SYN1: variants seen among roughly 807,000 people sequenced by gnomAD.
The protein encoded by SYN1 is synapsin I.
In SYN1, 8 loss-of-function variants were observed where a neutral mutation model predicts 44.6. The observed-to-expected ratio is 0.18, with a 90% confidence interval of 0.11 to 0.32. The LOEUF (loss-of-function observed/expected upper bound fraction) is 0.32, where lower values mean the gene tolerates loss of function less well. SYN1 is among the 10% of genes least tolerant of loss of function. The pLI is 1.00. For synonymous variants in SYN1, 275 were observed against 280.1 expected (o/e 0.98, Z 0.18); for missense variants, 451 against 639.4 (o/e 0.71, Z 3.18).
In SYN1 at chrX:47,589,369, A is replaced by G. The variant is rs772494132; in HGVS notation, c.775-11868T>C. 2.6e-3 allele frequency among the ~76,000 whole-genome samples: 277 copies of G among 107,865 alleles called. 2 individuals are homozygous for G. Among genetic ancestry groups the G allele is most frequent in the African/African-American group, 8.1e-3 (238 of 29,535 alleles). 93.7% of individuals were successfully genotyped at this position (107,865 alleles called of 115,157 possible). On this transcript the variant is annotated intron_variant, in intron 5 of 12. Coordinates refer to ENST00000295987, the MANE Select transcript of SYN1 (RefSeq NM_006950.3). ...AGCAATTTGGGAGGCCAAGGTGGGC[A>G]GATCACGAGGTCAGGAGATCGAGAC... is the stretch of plus-strand genomic sequence containing the variant.
chrX:47,594,202 C>T (rs759919951), intron 5 of SYN1, among the ~76,000 whole-genome samples: 2 of 107,689 alleles, frequency 1.9e-5, no homozygotes, highest in East Asian at 5.8e-4. Flanking sequence ...CCACTGCACT[C>T]CAGCCTGGGC....
chrX:47,596,371 A>G (rs2057863589), intron 5 of SYN1, among the ~76,000 whole-genome samples: 1 of 112,884 alleles, frequency 8.9e-6, no homozygotes, highest in African/African-American at 3.2e-5. Flanking sequence ...ATTAGGCTTT[A>G]AAAAGCTCTG....
chrX:47,585,775 C>T, intron 5 of SYN1: 1 of 1,163,504 alleles, frequency 8.6e-7, no homozygotes, highest in Non-Finnish European at 1.1e-6. Flanking sequence ...CCTGTGGCTG[C>T]TCCCCAACCC....
chrX:47,619,749 G>T lies in SYN1; in HGVS notation c.-21C>A, dbSNP rs1009898874. ...TTCATGGCTGCGACTTGGGGCAGGG[G>T]GTCCTAGGGGTGGTCTGGCCAGGAG... On this transcript the variant is annotated 5_prime_UTR_variant, in exon 1 of 13. Transcript: ENST00000295987. 3.5e-6 allele frequency: 4 copies of T among 1,157,902 alleles called. No homozygotes were observed. The South Asian group carries it at 5.8e-5, about 17-fold the overall frequency.
chrX:47,574,161 C>G lies in SYN1; in HGVS notation c.1823G>C (p.Gly608Ala). 2 of 1,054,997 alleles carry G rather than the reference C, an allele frequency of 1.9e-6. No homozygotes were observed. The highest frequency in any genetic ancestry group is 2.4e-6 in the Non-Finnish European group (2 of 826,658). 86.9% of individuals were successfully genotyped at this position (1,054,997 alleles called of 1,213,427 possible). The change falls in exon 12 of 13, where the codon GGT becomes GCT. Residue 608 changes from glycine to alanine, a missense_variant. Around this residue, in one of 3 missense-constraint regions of SYN1, gnomAD observed 127 missense variants for 154.8 expected, o/e 0.82. Coordinates refer to ENST00000295987, the MANE Select transcript of SYN1 (RefSeq NM_006950.3). ...GGGTGGCCCAGTGCGGGGCACGGGA[C>G]CCGCCTGGCTGGCCTGGCGTGTGGG... ...AGPTRQASQAGPVPRTGPPTT... is the reference protein window; with the variant it reads ...AGPTRQASQAAPVPRTGPPTT...
At chrX:47,618,628 C>A (rs1282002020) in intron 1 of SYN1, among the ~76,000 whole-genome samples, 1 of 110,982 alleles carries the variant, frequency 9.0e-6, no homozygotes, top group South Asian at 3.8e-4. Context: ...CTTCCTAGAT[C>A]CTTTGGAGAA....
rs769458536 is a variant in SYN1, at chrX:47,606,946, G to A, written c.526C>T (p.Arg176Trp). The A allele has an allele frequency of 2.4e-5, 29 of 1,204,617 alleles. No individual in the cohort carries two copies. The highest frequency in any genetic ancestry group is 1.8e-4 in the Admixed American group (8 of 45,310). ...CCAAGGTACCCTTCTTATACTCACCGCACGACCTTCACCCCATTCCGAAGA... is the reference window on the plus strand; with the variant it reads ...CCAAGGTACCCTTCTTATACTCACCACACGACCTTCACCCCATTCCGAAGA... The part of the protein sequence containing the change: ...EVLRNGVKVV[R>W]SLKPDFVLIR... Residue 176 changes from arginine to tryptophan, a missense_variant and splice_region_variant, in exon 3 of 13, where the codon CGG (arginine) becomes TGG (tryptophan). By Grantham distance (101) the Arg-to-Trp change is moderately radical. Coordinates refer to ENST00000295987, the MANE Select transcript of SYN1 (RefSeq NM_006950.3).
intron 1 of SYN1, among the ~76,000 whole-genome samples, chrX:47,618,485 G>T (rs914281755): frequency 8.9e-6 from 1 of 112,064 alleles, no homozygotes; most frequent in African/African-American, 3.3e-5. Context: ...TGTAGGGAAA[G>T]GTCTTTGAGG....
At chrX:47,594,058 C>A (rs1443888419) in intron 5 of SYN1, among the ~76,000 whole-genome samples, 1 of 111,000 alleles carries the variant, frequency 9.0e-6, no homozygotes, top group Non-Finnish European at 1.9e-5. Flanking sequence ...TGGTGAAACC[C>A]AATCTCTTAT....
At chrX:47,604,200 C>T (rs1034568491) in intron 5 of SYN1, among the ~76,000 whole-genome samples, 17 of 108,817 alleles carry the variant, frequency 1.6e-4, no homozygotes, top group African/African-American at 5.0e-4. Flanking sequence ...TGAGCCACCG[C>T]GCCCGGCCAG....
intron 5 of SYN1, 92 bp downstream of exon 5, chrX:47,604,886 G>T: frequency 2.4e-6 from 2 of 841,187 alleles, no homozygotes; most frequent in Non-Finnish European, 3.4e-6. Context: ...CCACACTCTT[G>T]ATATCGCACT....
intron 9 of SYN1, 37 bp from the exon 10 acceptor site, chrX:47,575,311 GC>G: frequency 8.3e-7 from 1 of 1,201,071 alleles, no homozygotes; most frequent in Admixed American, 2.2e-5. Flanking sequence ...GGAGAGGCAG[GC>G]CTCGCACCTG....
Position 47,574,042 on chromosome X carries a change from C to A in SYN1, c.1942G>T (p.Ala648Ser). ...QKPSQDVPPP[A>S]TAAAGGPPHP... ...GGAGGTCCCCCTGCAGCGGCGGTGG[C>A]GGGTGGCGGCACGTCCTGGCTGGGT... The change falls in exon 12 of 13, where the codon GCC (alanine) becomes TCC (serine). Residue 648 changes from alanine (A) to serine (S), a missense_variant. Physicochemically the swap from Ala to Ser is moderately conservative, Grantham distance 99. Around this residue, in one of 3 missense-constraint regions of SYN1, gnomAD observed 127 missense variants for 154.8 expected, o/e 0.82. Coordinates refer to ENST00000295987, the MANE Select transcript of SYN1 (RefSeq NM_006950.3). The A allele has an allele frequency of 8.7e-7, 1 of 1,150,721 alleles. No homozygotes were observed. Among genetic ancestry groups the A allele is most frequent in the East Asian group, 3.3e-5 (1 of 30,156 alleles). 94.8% of individuals were successfully genotyped at this position (1,150,721 alleles called of 1,213,427 possible).
At chrX:47,573,878 G>A in intron 12 of SYN1, 124 bp downstream of exon 12, 1 of 639,835 alleles carries the variant, frequency 1.6e-6, no homozygotes, top group Non-Finnish European at 2.1e-6. Flanking sequence ...TCAGGCTGGA[G>A]AGAGTTCGTG....
chrX:47,612,678 G>T lies in SYN1; in HGVS notation c.378-5480C>A, dbSNP rs192037829. On this transcript the variant is annotated intron_variant, in intron 1 of 12. Coordinates refer to ENST00000295987, the MANE Select transcript of SYN1 (RefSeq NM_006950.3). ...TGCACCTGCTCATCTCCTTTGTGCA[G>T]AAAGAGAAGTGCCTCAAGATTAGAA... Among the ~76,000 whole-genome samples the T allele has an allele frequency of 4.5e-5, 5 of 112,182 alleles. No individual in the cohort carries two copies. The East Asian group carries it at 1.4e-3, about 32-fold the overall frequency.
At chrX:47,596,845 C>T (rs2057865150) in intron 5 of SYN1, among the ~76,000 whole-genome samples, 1 of 111,576 alleles carries the variant, frequency 9.0e-6, no homozygotes, top group Admixed American at 9.5e-5. Context: ...AAGTGTGGCC[C>T]AAACACAGGG....
chrX:47,575,315 C>T lies in SYN1; in HGVS notation c.1159-41G>A, dbSNP rs778951274. 1.7e-5 allele frequency: 20 copies of T among 1,197,377 alleles called. No individual in the cohort carries two copies. In the Admixed American group the frequency reaches 2.0e-4, roughly 12 times the overall value. On this transcript the variant is annotated intron_variant, in intron 9 of 12. Transcript: ENST00000295987. ...GATCCGTGAGGGGAGAGGCAGGCCT[C>T]GCACCTGAGGCGGCAGTAACACCGT... is the stretch of plus-strand genomic sequence containing the variant.
chrX:47,598,098 G>T (rs67488003), intron 5 of SYN1, among the ~76,000 whole-genome samples: 7,438 of 111,801 alleles, frequency 0.067, 634 homozygotes, highest in African/African-American at 0.23. Flanking sequence ...GAAATAAATA[G>T]CACCTGTAAA....
At chrX:47,591,686 A>G (rs996559078) in intron 5 of SYN1, among the ~76,000 whole-genome samples, 40 of 104,935 alleles carry the variant, frequency 3.8e-4, no homozygotes, top group African/African-American at 1.4e-3. Flanking sequence ...GCGCCACTGC[A>G]CTCCAGCCTG....
Sources: gnomAD v4.1 joint callset for allele counts (sites outside exome capture counted in the v4.1 genomes callset) on GRCh38, gnomAD v4.1.1 for gene constraint, gnomAD v4.1.1 regional missense constraint, MANE v1.5 for transcripts, NCBI Gene and HGNC (gene_info 2026-07-23, HGNC 2026-07-21) for gene names.